PRRC2B: variants seen among roughly 807,000 people sequenced by gnomAD.
PRRC2B encodes protein PRRC2B.
PRRC2B carries 68 observed loss-of-function variants against 242.3 expected under a neutral mutation model. The observed-to-expected ratio is 0.28, with a 90% CI of 0.23 to 0.34. PRRC2B has a LOEUF of 0.34. Among genes scored for constraint, PRRC2B ranks in the 10% least tolerant of loss-of-function variants. The pLI, the probability that PRRC2B is intolerant of heterozygous loss-of-function variation, is 1.00. For synonymous variants in PRRC2B, 1,228 were observed against 1,173.6 expected, an observed-to-expected ratio of 1.05 and a Z score of -0.95; for missense variants, 2,835 against 2,954.8, an observed-to-expected ratio of 0.96 and a Z score of 0.94.
chr9:131,417,061 G>T (rs1837679115), intron 1 of PRRC2B, among the ~76,000 whole-genome samples: 2 of 152,158 alleles, frequency 1.3e-5, no homozygotes, highest in South Asian at 2.1e-4. Flanking sequence ...GCACACAGCT[G>T]ATTGGAAACT....
intron 3 of PRRC2B, among the ~76,000 whole-genome samples, chr9:131,434,673 G>A (rs58816655): frequency 0.016 from 2,497 of 152,342 alleles, 77 homozygotes; most frequent in African/African-American, 0.057. Flanking sequence ...GGAAGAGGGT[G>A]TCTGTATAGA....
chr9:131,429,681 A>G (rs1188073708), intron 1 of PRRC2B, among the ~76,000 whole-genome samples: 1 of 152,124 alleles, frequency 6.6e-6, no homozygotes, highest in Non-Finnish European at 1.5e-5. Context: ...CTATTCTGCT[A>G]GCCTTATTTT....
Position 131,482,495 on chromosome 9 carries a change from G to A in PRRC2B, c.5108G>A (p.Gly1703Glu), listed in dbSNP as rs1353659085. ...ACTCTGAAGCCAGAGGAGATGAGCG[G>A]GCCCGGCCTGGCGGAACCCAAGGCC... ...YGTLKPEEMS[G>E]PGLAEPKADS... Residue 1703 changes from glycine to glutamate, a missense_variant, in exon 21 of 32, where the codon GGG (glycine) becomes GAG (glutamate). Around this residue, in one of 7 missense-constraint regions of PRRC2B, gnomAD observed 51 missense variants for 45.1 expected, o/e 1.13. Transcript: ENST00000683519. This position sits in a 1 kb window ranked among gnomAD's most constrained non-coding sequence, Gnocchi z 5.2. 6.2e-7 allele frequency: 1 copy of A among 1,611,672 alleles called. No individual in the cohort carries two copies.
chr9:131,473,581 G>A lies in PRRC2B; in HGVS notation c.2181G>A (p.Val727=). 1.9e-6 allele frequency: 3 copies of A among 1,611,440 alleles called. No homozygotes were observed. Among genetic ancestry groups the A allele is most frequent in the Non-Finnish European group, 2.5e-6 (3 of 1,178,872 alleles). ...GTCGCTCTGAGGATCAGAACTGTGT[G>A]CCCCCACTCCAAGAAAGAAAAGTGA... ...TGCRSEDQNC[V]PPLQERKVTP... The change falls in exon 15 of 32, where the codon GTG becomes GTA. Residue 727 remains valine (V), a synonymous_variant. Transcript: ENST00000683519.
rs1305191730 is a variant in PRRC2B, at chr9:131,499,353, G to A, written c.*3479G>A. On this transcript the variant is annotated 3_prime_UTR_variant, in exon 32 of 32. Coordinates refer to ENST00000683519, the MANE Select transcript of PRRC2B (RefSeq NM_013318.4). The stretch of plus-strand genomic sequence containing the variant: ...GGTTCCCCTGTGCCAAGTAGCTGCA[G>A]GCTGCCCCTCAAATCTTCATTTGTC... 6.6e-6 allele frequency: 1 copy of A among 152,246 alleles called. No individual in the cohort carries two copies. The highest frequency in any genetic ancestry group is 6.5e-5 in the Admixed American group (1 of 15,290). 9.4% of individuals were successfully genotyped at this position (152,246 alleles called of 1,614,324 possible). A position where few individuals can be genotyped will look rare whatever the true frequency, so the allele number is the denominator to read the frequency against.
rs1225459151 is a variant in PRRC2B at position 131,494,235 on chromosome 9, T to C, written c.6474-170T>C. 3.9e-5 allele frequency among the ~76,000 whole-genome samples: 6 copies of C among 152,248 alleles called. No individual in the cohort carries two copies. The highest frequency in any genetic ancestry group is 6.5e-5 in the Admixed American group (1 of 15,290). ...CCCCTCACCCTTCTGCGTTCTGGGC[T>C]GTCTTAGGTCTGTGGTTGTTTTCCA... On this transcript the variant is annotated intron_variant, in intron 30 of 31. Transcript: ENST00000683519. This position sits in a 1 kb window ranked among gnomAD's most constrained non-coding sequence, Gnocchi z 4.3.
At chr9:131,430,439 G>A (rs1053757370) in intron 2 of PRRC2B, among the ~76,000 whole-genome samples, 180 bp downstream of exon 2, 2 of 149,290 alleles carry the variant, frequency 1.3e-5, no homozygotes, top group Non-Finnish European at 3.0e-5. Flanking sequence ...TGAGCATCCT[G>A]ACTCTTTCTG....
intron 1 of PRRC2B, among the ~76,000 whole-genome samples, chr9:131,376,590 T>C (rs1287653347): frequency 3.3e-5 from 5 of 152,154 alleles, no homozygotes; most frequent in African/African-American, 1.2e-4. Context: ...GTGATGGGCA[T>C]GCTTCCCGGC....
chr9:131,450,231 T>C (rs957231779), intron 9 of PRRC2B, among the ~76,000 whole-genome samples: 2 of 152,172 alleles, frequency 1.3e-5, no homozygotes, highest in South Asian at 2.1e-4. Context: ...TAGGATTATG[T>C]TGAATCTGTA....
rs1217110751 is a variant in PRRC2B, at chr9:131,498,946, T to G, written c.*3072T>G. 1 of 152,250 alleles carries G rather than the reference T, an allele frequency of 6.6e-6. No homozygotes were observed. Among genetic ancestry groups the G allele is most frequent in the African/African-American group, 2.4e-5 (1 of 41,464 alleles). 9.4% of individuals were successfully genotyped at this position (152,250 alleles called of 1,614,324 possible). ...GCCAGCTGCATTTGGTTTGGTTTTCTTAACTGTTGGCTTCTCCCCACAGCG... is the reference window on the plus strand; with the variant it reads ...GCCAGCTGCATTTGGTTTGGTTTTCGTAACTGTTGGCTTCTCCCCACAGCG... On this transcript the variant is annotated 3_prime_UTR_variant, in exon 32 of 32. Transcript: ENST00000683519.
upstream of PRRC2B, among the ~76,000 whole-genome samples, chr9:131,392,917 C>CAAAAAAAAA (rs11317627): frequency 2.2e-5 from 2 of 91,888 alleles, no homozygotes; most frequent in Admixed American, 1.3e-4. Context: ...GAGACTGTCT[C>CAAAAAAAAA]AAAAAAAAAA....
Position 131,460,313 on chromosome 9 carries a change from C to T in PRRC2B, c.1404+957C>T, listed in dbSNP as rs550717711. Among the ~76,000 whole-genome samples, 3 of 152,330 alleles carry T rather than the reference C, an allele frequency of 2.0e-5. No individual in the cohort carries two copies. In the South Asian group the frequency reaches 6.2e-4, roughly 32 times the overall value. On this transcript the variant is annotated intron_variant, in intron 11 of 31. Coordinates refer to ENST00000683519, the MANE Select transcript of PRRC2B (RefSeq NM_013318.4). Reference sequence around the variant, plus strand: ...GCCTTCTTTATCTGGATCAGTTCCTCAGCCTTTCCTTCACTTTCATGACTT... The same window carrying T: ...GCCTTCTTTATCTGGATCAGTTCCTTAGCCTTTCCTTCACTTTCATGACTT...
At chr9:131,407,945 C>G (rs573185110) in intron 1 of PRRC2B, among the ~76,000 whole-genome samples, 4 of 152,164 alleles carry the variant, frequency 2.6e-5, no homozygotes, top group Non-Finnish European at 4.4e-5. Flanking sequence ...ATTCGGGCAG[C>G]CCGATGGAGT....
At chr9:131,415,994 C>T (rs747115054) in intron 1 of PRRC2B, among the ~76,000 whole-genome samples, 1 of 151,328 alleles carries the variant, frequency 6.6e-6, no homozygotes, top group Non-Finnish European at 1.5e-5. Context: ...CTAGTTAAAT[C>T]TGGACTCCTG....
At chr9:131,417,444 A>T (rs1837689581) in intron 1 of PRRC2B, among the ~76,000 whole-genome samples, 2 of 152,102 alleles carry the variant, frequency 1.3e-5, no homozygotes, top group African/African-American at 4.8e-5. Context: ...TGCAGCCTTC[A>T]GCCAGTCCCC....
In PRRC2B at chr9:131,467,731, G is replaced by T. The variant is rs201468556; in HGVS notation, c.1889G>T (p.Arg630Leu). The change falls in exon 13 of 32, where the codon CGC becomes CTC. Residue 630 changes from arginine to leucine, a missense_variant. Transcript: ENST00000683519. ...YQKSLPPRFQ[R>L]QQQQQQQEQL... ...AAGTCCCTTCCTCCCCGATTCCAGCGCCAGCAGCAGCAACAACAGCAGGTA... is the reference window on the plus strand; with the variant it reads ...AAGTCCCTTCCTCCCCGATTCCAGCTCCAGCAGCAGCAACAACAGCAGGTA... 1 of 1,613,916 alleles carries T rather than the reference G, an allele frequency of 6.2e-7. No individual in the cohort carries two copies.
At chr9:131,440,320 G>GT (rs978551487) in intron 5 of PRRC2B, among the ~76,000 whole-genome samples, 8 of 151,664 alleles carry the variant, frequency 5.3e-5, no homozygotes, top group African/African-American at 9.7e-5. Context: ...TTTTGTTTTT[G>GT]TTTTTTTTGA....
Position 131,448,543 on chromosome 9 carries a change from C to CAAAAAAAAAAAAAAAAAAAAAAA in PRRC2B, c.1120+744_1120+766dup, listed in dbSNP as rs754661321. Among the ~76,000 whole-genome samples the CAAAAAAAAAAAAAAAAAAAAAAA allele has an allele frequency of 4.3e-3, 172 of 39,892 alleles. 60 individuals carry two copies. Among genetic ancestry groups the CAAAAAAAAAAAAAAAAAAAAAAA allele is most frequent in the East Asian group, 8.9e-3 (15 of 1,678 alleles). 26.2% of individuals were successfully genotyped at this position (39,892 alleles called of 152,430 possible). On this transcript the variant is annotated intron_variant, in intron 9 of 31. Transcript: ENST00000683519. ...TGGGCGACAGAGGGAGACACTGTCT[C>CAAAAAAAAAAAAAAAAAAAAAAA]AAAAAAAAAAAAAAAAAAAAAAAAA...
chr9:131,441,383 A>G (rs1838566994), intron 5 of PRRC2B, among the ~76,000 whole-genome samples: 1 of 152,078 alleles, frequency 6.6e-6, no homozygotes. Flanking sequence ...GTATCACAAT[A>G]AAGCTTGATG....
Sources: gnomAD v4.1 joint callset for allele counts (sites outside exome capture counted in the v4.1 genomes callset) on GRCh38, gnomAD v4.1.1 for gene constraint, gnomAD v4.1.1 regional missense constraint, Gnocchi (gnomAD v3.1) non-coding constraint, MANE v1.5 for transcripts, NCBI Gene and HGNC (gene_info 2026-07-23, HGNC 2026-07-21) for gene names.